Variants in MED13L observed in about 807,000 individuals in gnomAD.
MED13L encodes the protein mediator of RNA polymerase II transcription subunit 13-like.
Under a neutral mutation model 220.9 loss-of-function variants are expected in MED13L, and 7 were observed. The ratio of observed to expected loss-of-function variants is 0.03; its 90% CI spans 0.02 to 0.06. The LOEUF (loss-of-function observed/expected upper bound fraction) is 0.06. Among genes scored for constraint, MED13L ranks in the 10% least tolerant of loss-of-function variants. MED13L has a pLI of 1.00. For synonymous variants in MED13L, 1,011 were observed against 1,015.2 expected, an observed-to-expected ratio of 1.00 and a Z score of 0.08; for missense variants, 1,965 against 2,760.5, an observed-to-expected ratio of 0.71 and a Z score of 6.46.
At chr12:116,246,813 G>GAA (rs1871133960) in intron 1 of MED13L, among the ~76,000 whole-genome samples, 1 of 81,544 alleles carries the variant, frequency 1.2e-5, no homozygotes, top group South Asian at 5.8e-4. Flanking sequence ...GAGGTGGGGA[G>GAA]GGGAAGGGAG....
At position 116,015,267 on chromosome 12, in the gene MED13L, A is replaced by G. The variant is rs1313704554; in HGVS notation, c.1017T>C (p.Ser339=). The G allele has an allele frequency of 1.2e-6, 2 of 1,612,968 alleles. No homozygotes were observed. The highest frequency in any genetic ancestry group is 2.7e-5 in the African/African-American group (2 of 74,600). The stretch of plus-strand genomic sequence containing the variant: ...GACTGGCAGCACTCTGCATACCTCC[A>G]CTCTCACCTGAAAAAAAAGGCAATT... ...TSPEQAILGE[S]GGMQSAASHL... is the part of the protein sequence containing the mutation. Residue 339 remains serine (S), a synonymous_variant, in exon 8 of 31, where the codon AGT becomes AGC. Coordinates refer to ENST00000281928, the MANE Select transcript of MED13L (RefSeq NM_015335.5).
At position 116,006,401 on chromosome 12, in the gene MED13L, C is replaced by T. The variant is rs1400280504; in HGVS notation, c.2249G>A (p.Gly750Glu). ...DSLKKNKSED[G>E]FGTKDVTTPG... ...TGTAGTGACATCCTTGGTACCAAAT[C>T]CATCCTCTGACTGTATAATAAATTC... The change falls in exon 12 of 31, where the codon GGA (glycine) becomes GAA (glutamate). Residue 750 changes from glycine (G) to glutamate (E), a missense_variant. Around this residue, in one of 10 missense-constraint regions of MED13L, gnomAD observed 818 missense variants for 1,041.2 expected, o/e 0.79. Transcript: ENST00000281928. 1.7e-5 allele frequency: 27 copies of T among 1,613,620 alleles called. No homozygotes were observed. Among genetic ancestry groups the T allele is most frequent in the Non-Finnish European group, 2.3e-5 (27 of 1,179,728 alleles).
At chr12:116,087,350 A>G (rs1871783195) in intron 4 of MED13L, among the ~76,000 whole-genome samples, 1 of 152,216 alleles carries the variant, frequency 6.6e-6, no homozygotes, top group South Asian at 2.1e-4. Flanking sequence ...GTTTCCTTAA[A>G]CTAATGAGGA....
At chr12:115,996,747 A>G in intron 15 of MED13L, 66 bp from the exon 16 acceptor site, 1 of 1,404,514 alleles carries the variant, frequency 7.1e-7, no homozygotes, top group East Asian at 2.3e-5. Context: ...ACAGTGGCAT[A>G]GTGCTATCAT....
intron 4 of MED13L, among the ~76,000 whole-genome samples, chr12:116,093,651 G>C (rs1872430870): frequency 1.3e-5 from 2 of 151,836 alleles, no homozygotes; most frequent in African/African-American, 4.8e-5. Context: ...CTAATAATCA[G>C]TAATGCTAGT....
intron 1 of MED13L, among the ~76,000 whole-genome samples, chr12:116,238,803 G>A (rs1870337608): frequency 1.3e-5 from 2 of 152,110 alleles, no homozygotes; most frequent in South Asian, 4.1e-4. Flanking sequence ...AAATTAAAAA[G>A]GTTTTGCTTC....
chr12:115,981,162 C>A (rs994162701), intron 22 of MED13L, among the ~76,000 whole-genome samples: 2 of 152,064 alleles, frequency 1.3e-5, no homozygotes, highest in Non-Finnish European at 2.9e-5. Flanking sequence ...AAAAGATGTA[C>A]GATTATGTTG....
intron 2 of MED13L, among the ~76,000 whole-genome samples, chr12:116,184,779 T>C (rs543206524): frequency 2.0e-5 from 3 of 152,322 alleles, no homozygotes; most frequent in South Asian, 2.1e-4. Context: ...ATCACTTGAA[T>C]TGGCATTCTC....
chr12:116,030,841 A>T (rs1007710805), intron 4 of MED13L, among the ~76,000 whole-genome samples: 10 of 151,994 alleles, frequency 6.6e-5, no homozygotes, highest in African/African-American at 2.4e-4. Context: ...AAGAATTTGA[A>T]AACAGTAACT....
chr12:115,975,854 C>G (rs1876902256), intron 23 of MED13L, 116 bp from the exon 24 acceptor site: 1 of 872,086 alleles, frequency 1.1e-6, no homozygotes, highest in Non-Finnish European at 1.8e-6. Context: ...AATCGTTTCT[C>G]TCTCTCTCTC....
intron 2 of MED13L, among the ~76,000 whole-genome samples, chr12:116,158,599 G>C (rs1878624057): frequency 6.6e-6 from 1 of 152,136 alleles, no homozygotes. Context: ...ACTCCAGTGA[G>C]ATTATATTAT....
intron 2 of MED13L, among the ~76,000 whole-genome samples, chr12:116,214,620 AAT>A (rs1473916577): frequency 6.6e-6 from 1 of 152,184 alleles, no homozygotes; most frequent in East Asian, 1.9e-4. Flanking sequence ...AGGAAAATAT[AAT>A]TTTTCAATAA....
chr12:116,192,734 C>T (rs1881361227), intron 2 of MED13L, among the ~76,000 whole-genome samples: 2 of 152,168 alleles, frequency 1.3e-5, no homozygotes, highest in African/African-American at 2.4e-5. Flanking sequence ...TTCCAATAAT[C>T]CCAGCACTTT....
At chr12:115,982,633 A>T in intron 21 of MED13L, 30 bp from the exon 22 acceptor site, 1 of 1,550,616 alleles carries the variant, frequency 6.4e-7, no homozygotes, top group Non-Finnish European at 8.9e-7. Flanking sequence ...TGAGATGCAC[A>T]AAATAAATAT....
chr12:115,966,338 A>G lies in MED13L; in HGVS notation c.6226-95T>C. On this transcript the variant is annotated intron_variant, in intron 28 of 30. Coordinates refer to ENST00000281928, the MANE Select transcript of MED13L (RefSeq NM_015335.5). ...TTCACTCTGCACACTGCAGTGAGTG[A>G]TCCCCTTTGTGGCAGCATCTCACAG... The G allele has an allele frequency of 2.9e-6, 4 of 1,390,566 alleles. No individual in the cohort carries two copies. In the South Asian group the frequency reaches 4.7e-5, roughly 17 times the overall value. 86.1% of individuals were successfully genotyped at this position (1,390,566 alleles called of 1,614,324 possible).
intron 2 of MED13L, among the ~76,000 whole-genome samples, chr12:116,236,248 G>T (rs974364268): frequency 6.6e-6 from 1 of 152,142 alleles, no homozygotes; most frequent in African/African-American, 2.4e-5. Context: ...CTTATTTATA[G>T]ACCAAATACC....
At chr12:116,208,409 T>A (rs1357727736) in intron 2 of MED13L, among the ~76,000 whole-genome samples, 1 of 152,102 alleles carries the variant, frequency 6.6e-6, no homozygotes, top group East Asian at 1.9e-4. Context: ...AACAAAAGGA[T>A]AACAACTGCA....
At chr12:116,260,529 G>C (rs539233083) in intron 1 of MED13L, among the ~76,000 whole-genome samples, 1 of 152,064 alleles carries the variant, frequency 6.6e-6, no homozygotes, top group African/African-American at 2.4e-5. Flanking sequence ...AATACAACAT[G>C]GCATAACAAT....
chr12:116,188,306 A>C (rs913303831), intron 2 of MED13L, among the ~76,000 whole-genome samples: 1 of 149,800 alleles, frequency 6.7e-6, no homozygotes, highest in Non-Finnish European at 1.5e-5. Flanking sequence ...CAGGGAAAGA[A>C]ATCTACACCA....
Sources: allele counts gnomAD v4.1 joint callset (sites outside exome capture counted in the v4.1 genomes callset), GRCh38; gene constraint gnomAD v4.1.1; regional missense constraint gnomAD v4.1.1; transcripts MANE v1.5; gene names NCBI Gene and HGNC (gene_info 2026-07-23, HGNC 2026-07-21).